The following MACROD2 variants were observed in gnomAD, a reference collection of about 807,000 sequenced individuals.
The protein encoded by MACROD2 is ADP-ribose glycohydrolase MACROD2.
In MACROD2, 36 loss-of-function variants were observed where a neutral mutation model predicts 70.4. The ratio of observed to expected loss-of-function variants is 0.51; its 90% CI spans 0.39 to 0.68. The LOEUF (loss-of-function observed/expected upper bound fraction) is 0.68. Ranked by LOEUF, MACROD2 falls within the 30% of genes least tolerant of loss-of-function variation. The pLI is 0.00. For synonymous variants in MACROD2, 172 were observed against 178.8 expected (o/e 0.96, Z 0.30); for missense variants, 496 against 538.4 (o/e 0.92, Z 0.78).
At chr20:14,641,315 G>T (rs749746172) in intron 4 of MACROD2, among the ~76,000 whole-genome samples, 26 of 152,188 alleles carry the variant, frequency 1.7e-4, no homozygotes, top group Non-Finnish European at 3.5e-4. Flanking sequence ...CACATCTGCA[G>T]ACTTCCTCCA....
At chr20:15,778,614 C>G (rs6135508) in intron 8 of MACROD2, among the ~76,000 whole-genome samples, 34,702 of 151,650 alleles carry the variant, frequency 0.23, 3,972 homozygotes, top group African/African-American at 0.26. Context: ...TAGGCAAAAA[C>G]TTAGTAAAAG....
intron 5 of MACROD2, among the ~76,000 whole-genome samples, chr20:14,748,555 A>G (rs896428495): frequency 2.0e-5 from 3 of 152,120 alleles, no homozygotes; most frequent in Non-Finnish European, 2.9e-5. Context: ...AAGAAACTTA[A>G]GTAGTGCACA....
intron 5 of MACROD2, among the ~76,000 whole-genome samples, chr20:14,843,486 C>T (rs2073108031): frequency 6.6e-6 from 1 of 151,906 alleles, no homozygotes; most frequent in South Asian, 2.1e-4. Context: ...CTTTATTTTT[C>T]TCTTCTTACT....
chr20:14,457,893 A>G (rs566966086), intron 3 of MACROD2, among the ~76,000 whole-genome samples: 2 of 152,216 alleles, frequency 1.3e-5, no homozygotes, highest in African/African-American at 4.8e-5. Context: ...TGAGGTCAGG[A>G]GTTCAAGACC....
At chr20:14,729,854 A>G (rs1250182767) in intron 5 of MACROD2, among the ~76,000 whole-genome samples, 1 of 152,136 alleles carries the variant, frequency 6.6e-6, no homozygotes, top group Admixed American at 6.6e-5. Flanking sequence ...CAAAGGTAGG[A>G]TTATAGTATT....
chr20:14,218,134 A>T (rs1182206736), intron 3 of MACROD2, among the ~76,000 whole-genome samples: 1 of 152,152 alleles, frequency 6.6e-6, no homozygotes, highest in East Asian at 1.9e-4. Flanking sequence ...CCCCAATATT[A>T]TTGTGTTGCT....
chr20:15,455,550 A>C (rs1389805397), intron 7 of MACROD2, among the ~76,000 whole-genome samples: 1 of 152,162 alleles, frequency 6.6e-6, no homozygotes, highest in Admixed American at 6.5e-5. Flanking sequence ...TAAAACCTAC[A>C]ATGCAATCCT....
At chr20:14,389,685 A>G (rs1316484508) in intron 3 of MACROD2, among the ~76,000 whole-genome samples, 1 of 152,154 alleles carries the variant, frequency 6.6e-6, no homozygotes, top group South Asian at 2.1e-4. Context: ...ATTTGCTTAT[A>G]TTTCTCTCAA....
At chr20:15,107,548 CT>C (rs145397339) in intron 5 of MACROD2, among the ~76,000 whole-genome samples, 328 of 145,196 alleles carry the variant, frequency 2.3e-3, no homozygotes, top group Non-Finnish European at 3.0e-3. Context: ...TGCTTCCTAT[CT>C]TTTTTTTTTT....
At chr20:15,021,458 A>G (rs1285739316) in intron 5 of MACROD2, 2 of 150,386 alleles carry the variant, frequency 1.3e-5, no homozygotes, top group African/African-American at 4.9e-5. Context: ...ATATATGTAT[A>G]TACATATATA....
At chr20:15,954,472 CTGT>C (rs2065948758) in intron 12 of MACROD2, among the ~76,000 whole-genome samples, 1 of 152,134 alleles carries the variant, frequency 6.6e-6, no homozygotes, top group Non-Finnish European at 1.5e-5. Context: ...AAATCTTTTT[CTGT>C]TGTTGTTTGC....
intron 8 of MACROD2, among the ~76,000 whole-genome samples, chr20:15,564,072 A>G (rs1214339195): frequency 6.6e-6 from 1 of 152,182 alleles, no homozygotes; most frequent in Non-Finnish European, 1.5e-5. Context: ...CGCCAGTTTA[A>G]TATCAACAGT....
chr20:15,417,896 C>T (rs573482773), intron 6 of MACROD2, among the ~76,000 whole-genome samples: 1 of 152,290 alleles, frequency 6.6e-6, no homozygotes, highest in Non-Finnish European at 1.5e-5. Flanking sequence ...GTAGGTGGCA[C>T]ATAGAACGGT....
chr20:15,752,665 C>A (rs2051290234), intron 8 of MACROD2, among the ~76,000 whole-genome samples: 1 of 152,084 alleles, frequency 6.6e-6, no homozygotes, highest in Non-Finnish European at 1.5e-5. Context: ...AATGTCATTT[C>A]TTGTATTAAA....
intron 3 of MACROD2, among the ~76,000 whole-genome samples, chr20:14,465,363 C>A (rs1009364898): frequency 3.3e-5 from 5 of 152,006 alleles, no homozygotes; most frequent in African/African-American, 7.3e-5. Flanking sequence ...GCAACCCCTG[C>A]CTTTTTTTGT....
At chr20:15,085,289 T>C (rs1055257489) in intron 5 of MACROD2, among the ~76,000 whole-genome samples, 15 of 152,120 alleles carry the variant, frequency 9.9e-5, no homozygotes, top group Non-Finnish European at 2.2e-4. Context: ...TAAAACTGGA[T>C]TAGAAGAGAA....
At chr20:15,152,293 GA>G (rs1246126945) in intron 5 of MACROD2, among the ~76,000 whole-genome samples, 1 of 151,794 alleles carries the variant, frequency 6.6e-6, no homozygotes, top group African/African-American at 2.4e-5. Context: ...AAGGGAGAAG[GA>G]GGAATGGAAG....
intron 3 of MACROD2, among the ~76,000 whole-genome samples, chr20:14,393,818 G>A (rs2083552381): frequency 6.6e-6 from 1 of 152,168 alleles, no homozygotes; most frequent in South Asian, 2.1e-4. Flanking sequence ...GGATTTGAGA[G>A]TCTTTGTCAG....
intron 8 of MACROD2, among the ~76,000 whole-genome samples, chr20:15,619,992 C>T (rs200753): frequency 0.38 from 56,967 of 151,826 alleles, 12,616 homozygotes; most frequent in African/African-American, 0.62. Flanking sequence ...CTAAACGAAT[C>T]TTCATTCCAG....
Sources: gnomAD v4.1 joint callset for allele counts (sites outside exome capture counted in the v4.1 genomes callset) on GRCh38, gnomAD v4.1.1 for gene constraint, MANE v1.5 for transcripts, NCBI Gene and HGNC (gene_info 2026-07-23, HGNC 2026-07-21) for gene names.